TENT4A: variants seen among roughly 807,000 people sequenced by gnomAD.
The protein encoded by TENT4A is terminal nucleotidyltransferase 4A.
In TENT4A, 7 loss-of-function variants were observed where a neutral mutation model predicts 72.8. The observed-to-expected ratio is 0.10, with a 90% CI of 0.05 to 0.18. TENT4A has a LOEUF of 0.18. Ranked by LOEUF, TENT4A falls within the 10% of genes least tolerant of loss-of-function variation. TENT4A has a pLI of 1.00. For missense variants in TENT4A, 831 were observed against 1,017.7 expected (o/e 0.82, Z 2.50); for synonymous variants, 456 against 434.3 (o/e 1.05, Z -0.62).
At chr5:6,744,172 A>G (rs745642998) in intron 6 of TENT4A, among the ~76,000 whole-genome samples, 9 of 152,198 alleles carry the variant, frequency 5.9e-5, no homozygotes, top group Non-Finnish European at 1.3e-4. Context: ...CTTGTCTGTG[A>G]TTTATATTGA....
intron 1 of TENT4A, 68 bp downstream of exon 1, chr5:6,714,767 G>A: frequency 3.3e-6 from 3 of 921,050 alleles, no homozygotes; most frequent in Non-Finnish European, 2.8e-6. Context: ...CCGCGGTGCA[G>A]ACACCCGTCC....
rs1561050597 is a variant in TENT4A at position 6,754,994 on chromosome 5, C to CG, written c.*51dup. 6.8e-7 allele frequency: 1 copy of CG among 1,469,530 alleles called. No individual in the cohort carries two copies. Among genetic ancestry groups the CG allele is most frequent in the Non-Finnish European group, 9.1e-7 (1 of 1,100,556 alleles). The allele number at this position is 1,469,530 out of a possible 1,614,324, so 91.0% of individuals were successfully genotyped here. A position where few individuals can be genotyped will look rare whatever the true frequency, so the allele number is the denominator to read the frequency against. ...CCCCACCCCTCTGCAGACTGCCCCG[C>CG]GGCCTCGGCCACCGGCAGGGGAACC... On this transcript the variant is annotated 3_prime_UTR_variant, in exon 13 of 13. Transcript: ENST00000230859.
chr5:6,755,527 C>T lies in TENT4A; in HGVS notation c.*582C>T, dbSNP rs1742646633. ...GAGGAGGGAATTTTTTTTAAACAAGCTTAGGTCCTTTCCCGAGCTGCATTT... is the reference window on the plus strand; with the variant it reads ...GAGGAGGGAATTTTTTTTAAACAAGTTTAGGTCCTTTCCCGAGCTGCATTT... On this transcript the variant is annotated 3_prime_UTR_variant, in exon 13 of 13. Transcript: ENST00000230859. 2 of 152,610 alleles carry T rather than the reference C, an allele frequency of 1.3e-5. No individual in the cohort carries two copies. The highest frequency in any genetic ancestry group is 4.8e-5 in the African/African-American group (2 of 41,446). The allele number at this position is 152,610 out of a possible 1,614,324, so 9.5% of individuals were successfully genotyped here. A position where few individuals can be genotyped will look rare whatever the true frequency, so the allele number is the denominator to read the frequency against.
chr5:6,716,235 C>T (rs946390326), intron 1 of TENT4A, among the ~76,000 whole-genome samples: 2 of 152,154 alleles, frequency 1.3e-5, no homozygotes, highest in Non-Finnish European at 2.9e-5. Flanking sequence ...CCACTAGGAT[C>T]AGGTGCTGTG....
chr5:6,739,988 C>A, intron 4 of TENT4A, 136 bp downstream of exon 4: 1 of 784,784 alleles, frequency 1.3e-6, no homozygotes, highest in Admixed American at 2.8e-5. Context: ...TAATCTGCTT[C>A]TGGTATAGAC....
At chr5:6,714,757 C>T in intron 1 of TENT4A, 58 bp downstream of exon 1, 1 of 1,031,346 alleles carries the variant, frequency 9.7e-7, no homozygotes, top group Non-Finnish European at 1.2e-6. Flanking sequence ...TGGCCGGCGC[C>T]CGCGGTGCAG....
chr5:6,752,403 C>G (rs968918195), intron 11 of TENT4A, among the ~76,000 whole-genome samples: 1 of 152,250 alleles, frequency 6.6e-6, no homozygotes, highest in Non-Finnish European at 1.5e-5. Flanking sequence ...TTCTCGTTAG[C>G]GCACTTCTGC....
intron 4 of TENT4A, 118 bp downstream of exon 4, chr5:6,739,970 T>G: frequency 1.0e-6 from 1 of 990,980 alleles, no homozygotes. Context: ...GGCTACAGTT[T>G]TGAAGATTAA....
At chr5:6,751,752 C>T (rs1480634412) in intron 11 of TENT4A, among the ~76,000 whole-genome samples, 1 of 152,086 alleles carries the variant, frequency 6.6e-6, no homozygotes, top group Non-Finnish European at 1.5e-5. Context: ...TGCGATTATA[C>T]ATCACTTGAA....
intron 1 of TENT4A, among the ~76,000 whole-genome samples, chr5:6,729,116 G>A (rs1473304113): frequency 2.0e-5 from 3 of 152,222 alleles, no homozygotes; most frequent in African/African-American, 7.2e-5. Context: ...GGACTGGCCT[G>A]TTTCTGTGTT....
intron 1 of TENT4A, among the ~76,000 whole-genome samples, chr5:6,732,901 A>T (rs1472114279): frequency 6.6e-6 from 1 of 152,190 alleles, no homozygotes; most frequent in Non-Finnish European, 1.5e-5. Context: ...CAAGCATCAG[A>T]GGCTTGCTTC....
At chr5:6,721,911 T>G (rs1740671266) in intron 1 of TENT4A, among the ~76,000 whole-genome samples, 2 of 152,206 alleles carry the variant, frequency 1.3e-5, no homozygotes, top group African/African-American at 4.8e-5. Context: ...GATTTCTGTC[T>G]TTCCGTTTGA....
intron 7 of TENT4A, among the ~76,000 whole-genome samples, 193 bp downstream of exon 7, chr5:6,746,620 TCTAA>T (rs1458715661): frequency 5.3e-5 from 8 of 152,250 alleles, no homozygotes; most frequent in Non-Finnish European, 8.8e-5. Flanking sequence ...CTTTTGTCTT[TCTAA>T]CTGTTTACAT....
intron 4 of TENT4A, among the ~76,000 whole-genome samples, chr5:6,740,418 G>T (rs1433008463): frequency 6.6e-6 from 1 of 152,190 alleles, no homozygotes; most frequent in Admixed American, 6.5e-5. Flanking sequence ...GGACTATGAG[G>T]TACTTGCCTG....
intron 5 of TENT4A, among the ~76,000 whole-genome samples, chr5:6,743,143 GC>G (rs1741904630): frequency 6.6e-6 from 1 of 152,164 alleles, no homozygotes; most frequent in African/African-American, 2.4e-5. Context: ...AGAGGCTGTT[GC>G]AATCCTTAGC....
Position 6,753,032 on chromosome 5 carries a change from C to G in TENT4A, c.2179C>G (p.His727Asp). Residue 727 changes from histidine to aspartate, a missense_variant, in exon 12 of 13, where the codon CAT becomes GAT. By Grantham distance (81) the His-to-Asp change is moderately conservative. This residue lies in a region of TENT4A where 332 missense variants were observed against 324.3 expected (regional missense o/e 1.02). Transcript: ENST00000230859. ...CCCGCTCTCGAGCCCTCATCTGTAT[C>G]ATAAGGTATAGCTCTGTCCTGGTGC... The part of the protein sequence containing the change: ...PNPLSSPHLY[H>D]KQHNGMKLSM... 1.2e-6 allele frequency: 2 copies of G among 1,613,954 alleles called. No individual in the cohort carries two copies. The highest frequency in any genetic ancestry group is 1.7e-6 in the Non-Finnish European group (2 of 1,179,878).
chr5:6,729,087 CT>C (rs1417883858), intron 1 of TENT4A, among the ~76,000 whole-genome samples: 14 of 152,160 alleles, frequency 9.2e-5, no homozygotes, highest in African/African-American at 3.4e-4. Flanking sequence ...ATATTTACAT[CT>C]TTTCACTCTT....
intron 3 of TENT4A, among the ~76,000 whole-genome samples, chr5:6,738,977 T>C (rs911892083): frequency 6.6e-6 from 1 of 152,216 alleles, no homozygotes; most frequent in East Asian, 1.9e-4. Context: ...GCTGGAAATA[T>C]GAAGAAGACA....
intron 11 of TENT4A, 114 bp from the exon 12 acceptor site, chr5:6,752,759 C>T: frequency 1.2e-6 from 1 of 806,822 alleles, no homozygotes; most frequent in Non-Finnish European, 2.1e-6. Flanking sequence ...TCTATGGAGC[C>T]CACATGCAAC....
Sources: gnomAD v4.1 joint callset for allele counts (sites outside exome capture counted in the v4.1 genomes callset) on GRCh38, gnomAD v4.1.1 for gene constraint, gnomAD v4.1.1 regional missense constraint, MANE v1.5 for transcripts, NCBI Gene and HGNC (gene_info 2026-07-23, HGNC 2026-07-21) for gene names.